Variants in TUBGCP5 observed in about 807,000 individuals in gnomAD.
TUBGCP5 encodes the protein tubulin gamma complex component 5.
TUBGCP5 carries 98 observed loss-of-function variants against 134.7 expected under a neutral mutation model. The observed-to-expected ratio is 0.73, with a 90% confidence interval of 0.62 to 0.86. The LOEUF (loss-of-function observed/expected upper bound fraction) is 0.86. Among genes scored for constraint, TUBGCP5 ranks in the 40% least tolerant of loss-of-function variants. The pLI, the probability that TUBGCP5 is intolerant of heterozygous loss-of-function variation, is 0.00. For synonymous variants in TUBGCP5, 456 were observed against 431.4 expected (o/e 1.06, Z -0.71); for missense variants, 1,150 against 1,244.8 (o/e 0.92, Z 1.15).
chr15:23,000,231 T>A lies in TUBGCP5; in HGVS notation c.3028+338A>T, dbSNP rs78180987. The A allele has an allele frequency of 0.014, 16,441 of 1,194,116 alleles. 726 individuals are homozygous for A. In the African/African-American group the frequency reaches 0.14, roughly 10 times the overall value. The allele number at this position is 1,194,116 out of a possible 1,614,324, so 74.0% of individuals were successfully genotyped here. ...CAGGAGCTTTAAATTCCTAAAAAAA[T>A]TTTTAAAAAGACTAGATTTTGAAAA... On this transcript the variant is annotated intron_variant, in intron 22 of 22. Transcript: ENST00000615383.
chr15:22,997,310 G>A (rs1485060147), downstream of TUBGCP5, among the ~76,000 whole-genome samples: 1 of 151,928 alleles, frequency 6.6e-6, no homozygotes, highest in South Asian at 2.1e-4. Context: ...CTCCTGAGTA[G>A]CTGGGACTAC....
chr15:23,010,739 G>A (rs1310230810), intron 14 of TUBGCP5, among the ~76,000 whole-genome samples: 2 of 152,104 alleles, frequency 1.3e-5, no homozygotes, highest in Non-Finnish European at 2.9e-5. Flanking sequence ...AGCACTTTGG[G>A]AGGCCGAGGT....
intron 1 of TUBGCP5, among the ~76,000 whole-genome samples, chr15:23,038,575 T>A (rs115636087): frequency 6.6e-6 from 1 of 152,214 alleles, no homozygotes. Flanking sequence ...CTAGACACTT[T>A]ATGGCTATGA....
chr15:23,039,287 C>A, intron 1 of TUBGCP5, 111 bp downstream of exon 1: 1 of 1,177,614 alleles, frequency 8.5e-7, no homozygotes, highest in Non-Finnish European at 1.1e-6. Flanking sequence ...GAGGCCGCGC[C>A]CGCCTCCGCC....
At chr15:22,998,776 G>A (rs2140386486), downstream of TUBGCP5, among the ~76,000 whole-genome samples, 1 of 152,182 alleles carries the variant, frequency 6.6e-6, no homozygotes, top group South Asian at 2.1e-4. Flanking sequence ...CACCACACCT[G>A]GCTAATTTTT....
intron 19 of TUBGCP5, 150 bp from the exon 20 acceptor site, chr15:23,004,377 A>T: frequency 1.1e-6 from 1 of 936,198 alleles, no homozygotes; most frequent in Non-Finnish European, 1.5e-6. Context: ...ACCATTCTTC[A>T]AAGGCTGGCT....
At chr15:22,988,515 C>G (rs111618799) in intron 23 of TUBGCP5, among the ~76,000 whole-genome samples, 14,987 of 151,282 alleles carry the variant, frequency 0.099, 806 homozygotes, top group African/African-American at 0.12. Context: ...GGGCGTATCA[C>G]GAGGTCAGGA....
chr15:22,984,614 G>A (rs144595733), intron 23 of TUBGCP5, among the ~76,000 whole-genome samples: 2 of 142,284 alleles, frequency 1.4e-5, no homozygotes, highest in South Asian at 2.1e-4. Context: ...GAGAGACTCC[G>A]TGTTAAAAAA....
chr15:23,009,723 T>C (rs2064927856), intron 15 of TUBGCP5, among the ~76,000 whole-genome samples: 1 of 152,176 alleles, frequency 6.6e-6, no homozygotes, highest in African/African-American at 2.4e-5. Flanking sequence ...TTCTACAAGC[T>C]TTTTCTGTAT....
chr15:23,034,817 A>G (rs2066489696), intron 3 of TUBGCP5, among the ~76,000 whole-genome samples: 1 of 152,096 alleles, frequency 6.6e-6, no homozygotes, highest in Non-Finnish European at 1.5e-5. Flanking sequence ...ACAGAGCAAG[A>G]TTCCGTCTCA....
At chr15:22,995,230 C>T (rs191997590), downstream of TUBGCP5, among the ~76,000 whole-genome samples, 5 of 150,668 alleles carry the variant, frequency 3.3e-5, no homozygotes, top group Non-Finnish European at 7.4e-5. Flanking sequence ...GGGGACAGAG[C>T]GAGAATCTGT....
chr15:23,007,062 A>G (rs902377299), intron 16 of TUBGCP5, among the ~76,000 whole-genome samples: 5 of 152,162 alleles, frequency 3.3e-5, no homozygotes, highest in Non-Finnish European at 7.3e-5. Flanking sequence ...GAGATGTCAC[A>G]GGGCAGTGTG....
chr15:23,010,155 C>G (rs763641012), intron 14 of TUBGCP5, 22 bp from the exon 15 acceptor site: 1 of 1,601,742 alleles, frequency 6.2e-7, no homozygotes, highest in Admixed American at 1.7e-5. Context: ...AAATGTGAGT[C>G]TTCTTTTTAT....
At chr15:23,036,830 C>T (rs907034058) in intron 3 of TUBGCP5, 67 bp downstream of exon 3, 2 of 1,100,126 alleles carry the variant, frequency 1.8e-6, no homozygotes, top group Non-Finnish European at 2.7e-6. Flanking sequence ...GTAACTGAAA[C>T]AAATTGACGA....
intron 23 of TUBGCP5, among the ~76,000 whole-genome samples, chr15:22,990,898 C>T (rs773596628): frequency 3.3e-5 from 5 of 152,102 alleles, no homozygotes; most frequent in Non-Finnish European, 7.4e-5. Context: ...AGCCACACAG[C>T]CACAGTCATA....
intron 23 of TUBGCP5, among the ~76,000 whole-genome samples, chr15:22,986,271 A>C (rs987640229): frequency 5.9e-5 from 9 of 152,080 alleles, no homozygotes; most frequent in Admixed American, 3.3e-4. Context: ...AAACAATATG[A>C]TGAAAAAAGT....
chr15:23,018,069 T>C lies in TUBGCP5; in HGVS notation c.1488-28A>G, dbSNP rs113866086. 21 of 1,567,632 alleles carry C rather than the reference T, an allele frequency of 1.3e-5. No individual in the cohort carries two copies. The African/African-American group carries it at 2.0e-4, about 15-fold the overall frequency. On this transcript the variant is annotated intron_variant, in intron 12 of 22. Transcript: ENST00000615383. ...AAAGAGATTCAAAAGAATTTTAAAC[T>C]CTTATTTCTCTTTCTTAAAAACAGC...
intron 6 of TUBGCP5, among the ~76,000 whole-genome samples, chr15:23,028,716 C>A (rs2066123801): frequency 6.6e-6 from 1 of 152,086 alleles, no homozygotes; most frequent in African/African-American, 2.4e-5. Context: ...GTATAACCCC[C>A]CTTAGGATGA....
chr15:22,996,819 G>T (rs12912990), downstream of TUBGCP5: 13,268 of 151,832 alleles, frequency 0.087, 1,029 homozygotes, highest in East Asian at 0.45. Context: ...AAACACAAAA[G>T]ATTAGCCGCA....
Sources: gnomAD v4.1 joint callset for allele counts (sites outside exome capture counted in the v4.1 genomes callset) on GRCh38, gnomAD v4.1.1 for gene constraint, MANE v1.5 for transcripts, NCBI Gene and HGNC (gene_info 2026-07-23, HGNC 2026-07-21) for gene names.